COBL: variants seen among roughly 807,000 people sequenced by gnomAD.
COBL encodes the protein cordon-bleu WH2 repeat protein.
COBL carries 51 observed loss-of-function variants against 98.8 expected under a neutral mutation model. The ratio of observed to expected loss-of-function variants is 0.52; its 90% CI spans 0.41 to 0.65. The LOEUF (loss-of-function observed/expected upper bound fraction) is 0.65. COBL is among the 30% of genes least tolerant of loss of function. The pLI, the probability that COBL is intolerant of heterozygous loss-of-function variation, is 0.00. For synonymous variants in COBL, 634 were observed against 651.7 expected, an observed-to-expected ratio of 0.97 and a Z score of 0.41; for missense variants, 1,617 against 1,617.5, an observed-to-expected ratio of 1.00 and a Z score of 0.01.
intron 9 of COBL, 30 bp from the exon 10 acceptor site, chr7:51,029,621 AT>A: frequency 1.3e-6 from 2 of 1,547,872 alleles, no homozygotes; most frequent in East Asian, 4.5e-5. Flanking sequence ...CAAATCACAG[AT>A]GTTTCCCACA....
chr7:51,228,845 T>A (rs1276579822), intron 1 of COBL, among the ~76,000 whole-genome samples: 1 of 152,160 alleles, frequency 6.6e-6, no homozygotes, highest in African/African-American at 2.4e-5. Context: ...GAGCAACCCC[T>A]GTTCCAAGTT....
intron 2 of COBL, among the ~76,000 whole-genome samples, chr7:51,217,241 T>C (rs1227385008): frequency 2.0e-5 from 3 of 152,186 alleles, no homozygotes; most frequent in African/African-American, 7.2e-5. Context: ...TTTTTACTTT[T>C]AGAATGCGCA....
At chr7:51,044,446 T>C (rs1358538931) in intron 7 of COBL, among the ~76,000 whole-genome samples, 1 of 152,216 alleles carries the variant, frequency 6.6e-6, no homozygotes, top group African/African-American at 2.4e-5. Flanking sequence ...ATTTTTCTCT[T>C]ACTGAGCTTC....
chr7:51,179,610 T>C lies in COBL; in HGVS notation c.783+4492A>G, dbSNP rs1043098930. 3.9e-5 allele frequency among the ~76,000 whole-genome samples: 6 copies of C among 152,202 alleles called. No individual in the cohort carries two copies. In the South Asian group the frequency reaches 1.2e-3, roughly 31 times the overall value. On this transcript the variant is annotated intron_variant, in intron 5 of 12. Transcript: ENST00000265136. Reference sequence around the variant, plus strand: ...CCGAAAAATTTGATGTGTCTTGACATAAACAGTAAATTGCTTTATTCTGAT... The same window carrying C: ...CCGAAAAATTTGATGTGTCTTGACACAAACAGTAAATTGCTTTATTCTGAT...
chr7:51,132,996 GA>G (rs1185628170), intron 6 of COBL, among the ~76,000 whole-genome samples: 1 of 152,144 alleles, frequency 6.6e-6, no homozygotes, highest in Non-Finnish European at 1.5e-5. Context: ...TTCAACATGA[GA>G]TTTGGAGGGG....
At chr7:51,087,419 T>C (rs529467862) in intron 6 of COBL, among the ~76,000 whole-genome samples, 12 of 152,350 alleles carry the variant, frequency 7.9e-5, no homozygotes, top group Non-Finnish European at 1.6e-4. Flanking sequence ...TTGCATTTCC[T>C]GGAAATTCCC....
intron 1 of COBL, among the ~76,000 whole-genome samples, chr7:51,230,809 G>C (rs1048691984): frequency 1.3e-5 from 2 of 152,174 alleles, no homozygotes; most frequent in African/African-American, 4.8e-5. Flanking sequence ...GTGGTTACTT[G>C]AACCCTGGTG....
intron 5 of COBL, among the ~76,000 whole-genome samples, chr7:51,167,475 T>A (rs963855702): frequency 6.6e-6 from 1 of 152,060 alleles, no homozygotes; most frequent in African/African-American, 2.4e-5. Flanking sequence ...ATTCCATGCT[T>A]ATGTATTGCT....
At position 51,029,502 on chromosome 7, in the gene COBL, G is replaced by A; in HGVS notation, c.1594C>T (p.Pro532Ser). ...SNHCPQDAMI[P>S]HGDTDAIPVT... ...GGGATTGCATCTGTGTCGCCGTGAG[G>A]GATCATGGCATCCTGTGGGCAGTGG... Residue 532 changes from proline (P) to serine (S), a missense_variant, in exon 10 of 13, where the codon CCT (proline) becomes TCT (serine). Physicochemically the swap from Pro to Ser is moderately conservative, Grantham distance 74. Coordinates refer to ENST00000265136, the MANE Select transcript of COBL (RefSeq NM_015198.5). 1 of 1,614,064 alleles carries A rather than the reference G, an allele frequency of 6.2e-7. No individual in the cohort carries two copies. Among genetic ancestry groups the A allele is most frequent in the East Asian group, 2.2e-5 (1 of 44,880 alleles).
At chr7:51,087,794 T>TA in intron 6 of COBL, among the ~76,000 whole-genome samples, 1 of 150,984 alleles carries the variant, frequency 6.6e-6, no homozygotes, top group Non-Finnish European at 1.5e-5. Context: ...TTTTTTTTTT[T>TA]TTTTAATTCT....
At chr7:51,136,134 T>C in intron 6 of COBL, 24 bp downstream of exon 6, 1 of 1,597,236 alleles carries the variant, frequency 6.3e-7, no homozygotes, top group Non-Finnish European at 8.5e-7. Context: ...ATGCTTTGGT[T>C]GTGAGAACAG....
Position 51,017,487 on chromosome 7 carries a change from TC to T in COBL, c.*63del. On this transcript the variant is annotated 3_prime_UTR_variant, in exon 13 of 13. Coordinates refer to ENST00000265136, the MANE Select transcript of COBL (RefSeq NM_015198.5). The stretch of plus-strand genomic sequence containing the variant: ...ACTTGATGTTCCTGGCTATGCAGAC[TC>T]CTTGAGTGACGCCTGTGGGCATATT... 1 of 1,546,078 alleles carries T rather than the reference TC, an allele frequency of 6.5e-7. No homozygotes were observed. Among genetic ancestry groups the T allele is most frequent in the Non-Finnish European group, 8.9e-7 (1 of 1,118,128 alleles).
intron 7 of COBL, among the ~76,000 whole-genome samples, chr7:51,049,018 T>G (rs1395865849): frequency 6.6e-6 from 1 of 152,226 alleles, no homozygotes; most frequent in African/African-American, 2.4e-5. Context: ...ACTTTTGTTA[T>G]GGTTACATCA....
intron 1 of COBL, among the ~76,000 whole-genome samples, chr7:51,228,301 T>C (rs757420968): frequency 6.6e-6 from 1 of 152,070 alleles, no homozygotes; most frequent in Non-Finnish European, 1.5e-5. Context: ...ATGACCCCTG[T>C]AAAGTTTCTG....
rs140809340 is a variant in COBL at position 51,065,689 on chromosome 7, T to A, written c.1096+19477A>T. ...AGAAGCTCTCCAGCCTCTGTCGTCA[T>A]CAGCACACAGGCTAATGCACACCAG... On this transcript the variant is annotated intron_variant, in intron 7 of 12. Transcript: ENST00000265136. Among the ~76,000 whole-genome samples the A allele has an allele frequency of 1.3e-3, 199 of 152,370 alleles. 1 individual carries two copies. The highest frequency in any genetic ancestry group is 4.5e-3 in the African/African-American group (187 of 41,600).
intron 5 of COBL, among the ~76,000 whole-genome samples, chr7:51,166,185 A>G (rs1787304418): frequency 1.3e-5 from 2 of 151,958 alleles, no homozygotes; most frequent in Non-Finnish European, 2.9e-5. Context: ...TTGATTTTTT[A>G]AAAGTTAAAC....
At position 51,016,796 on chromosome 7, in the gene COBL, G is replaced by T. The variant is rs1222928331; in HGVS notation, c.*755C>A. 2.3e-5 allele frequency: 9 copies of T among 397,068 alleles called. No homozygotes were observed. The highest frequency in any genetic ancestry group is 4.0e-5 in the Non-Finnish European group (9 of 225,748). 24.6% of individuals were successfully genotyped at this position (397,068 alleles called of 1,614,324 possible). Reference sequence around the variant, plus strand: ...TAGCCTGGGGAATGGCTGTCCATGTGGGGCACTGCCCATCCACTCCAGTGG... The same window carrying T: ...TAGCCTGGGGAATGGCTGTCCATGTTGGGCACTGCCCATCCACTCCAGTGG... On this transcript the variant is annotated 3_prime_UTR_variant, in exon 13 of 13. Coordinates refer to ENST00000265136, the MANE Select transcript of COBL (RefSeq NM_015198.5).
At chr7:51,316,393 G>T in intron 1 of COBL, 200 bp downstream of exon 1, 1 of 352,712 alleles carries the variant, frequency 2.8e-6, no homozygotes. Context: ...GCAACGACCC[G>T]GGTGCCCAAA....
chr7:51,271,972 T>C (rs1798802353), intron 1 of COBL, among the ~76,000 whole-genome samples: 1 of 152,180 alleles, frequency 6.6e-6, no homozygotes, highest in Non-Finnish European at 1.5e-5. Context: ...GAGGCTACAG[T>C]GAGCCAAGAT....
Sources: gnomAD v4.1 joint callset for allele counts (sites outside exome capture counted in the v4.1 genomes callset) on GRCh38, gnomAD v4.1.1 for gene constraint, MANE v1.5 for transcripts, NCBI Gene and HGNC (gene_info 2026-07-23, HGNC 2026-07-21) for gene names.